LIN9: variants seen among roughly 807,000 people sequenced by gnomAD.
LIN9 encodes lin-9 DREAM MuvB core complex component, also known as protein lin-9 homolog.
LIN9 carries 18 observed loss-of-function variants against 78.0 expected under a neutral mutation model. That is an observed-to-expected ratio of 0.23 (90% CI 0.16 to 0.34). The LOEUF is 0.34. LIN9 is among the 10% of genes least tolerant of loss of function. LIN9 has a pLI of 1.00. For synonymous variants in LIN9, 192 were observed against 215.2 expected (o/e 0.89, Z 0.94); for missense variants, 451 against 644.1 (o/e 0.70, Z 3.25).
rs1659849361 is a variant in LIN9 at position 226,265,568 on chromosome 1, A to G, written c.1003T>C (p.Leu335=). 1 of 1,610,830 alleles carries G rather than the reference A, an allele frequency of 6.2e-7. No individual in the cohort carries two copies. Among genetic ancestry groups the G allele is most frequent in the African/African-American group, 1.3e-5 (1 of 74,838 alleles). The change falls in exon 10 of 15, where the codon TTA becomes CTA. Residue 335 remains leucine (L), a synonymous_variant. Coordinates refer to ENST00000681046, the MANE Select transcript of LIN9 (RefSeq NM_001366245.2). This position sits in a 1 kb window ranked among gnomAD's most constrained non-coding sequence, Gnocchi z 4.1. ...SKISGSDTET[L]GGFPVEFLIQ... ...AGAAATTCTACTGGAAAACCACCTA[A>G]TGTTTCAGTGTCAGAGCCAGAAATT...
At chr1:226,254,020 C>A (rs1338917160) in intron 10 of LIN9, among the ~76,000 whole-genome samples, 4 of 152,242 alleles carry the variant, frequency 2.6e-5, no homozygotes, top group African/African-American at 4.8e-5. Context: ...CAGCCTCAAC[C>A]TCCTGGGCTC....
intron 4 of LIN9, among the ~76,000 whole-genome samples, chr1:226,289,803 T>A (rs1159268104): frequency 4.2e-5 from 5 of 118,338 alleles, no homozygotes; most frequent in Non-Finnish European, 6.5e-5. Flanking sequence ...GATTACCCAA[T>A]AAATGTTACT....
intron 1 of LIN9, among the ~76,000 whole-genome samples, chr1:226,302,041 C>T (rs1314791163): frequency 6.6e-6 from 1 of 152,084 alleles, no homozygotes. Flanking sequence ...TGCACTTCAG[C>T]CTGACAGACA....
chr1:226,289,120 A>C (rs1412463535), intron 4 of LIN9, among the ~76,000 whole-genome samples: 1 of 152,100 alleles, frequency 6.6e-6, no homozygotes. Flanking sequence ...CTGTAGTGCC[A>C]GCTACTCAGG....
At chr1:226,278,003 C>CT in intron 6 of LIN9, 71 bp from the exon 7 acceptor site, 1 of 1,292,788 alleles carries the variant, frequency 7.7e-7, no homozygotes, top group East Asian at 2.4e-5. Context: ...TTTTTTTTTT[C>CT]TTTTTTTGAG....
chr1:226,305,315 GAAAAAAAAAAAAAAAAA>G (rs111859953), intron 1 of LIN9, among the ~76,000 whole-genome samples: 1 of 77,536 alleles, frequency 1.3e-5, no homozygotes, highest in East Asian at 3.9e-4. Context: ...ACAAAAAAAA[GAAAAAAAAAAAAAAAAA>G]AAAAAAAAAC....
At position 226,295,187 on chromosome 1, in the gene LIN9, C is replaced by T. The variant is rs766038479; in HGVS notation, c.264+655G>A. Among the ~76,000 whole-genome samples the T allele has an allele frequency of 3.6e-4, 55 of 152,062 alleles. No individual in the cohort carries two copies. The Middle Eastern group carries it at 0.014, about 38-fold the overall frequency. On this transcript the variant is annotated intron_variant, in intron 4 of 14. Transcript: ENST00000681046. ...CCTCTCAGCAGGGTGCAGTGGCTCA[C>T]GACTGTAATCCCAGCACTTTGGGAG...
intron 11 of LIN9, among the ~76,000 whole-genome samples, chr1:226,239,635 A>G (rs1327507441): frequency 6.6e-6 from 1 of 152,174 alleles, no homozygotes; most frequent in Non-Finnish European, 1.5e-5. Context: ...TCAACTGCAA[A>G]ATGGGGATTA....
chr1:226,309,064 A>G, intron 1 of LIN9, 45 bp downstream of exon 1: 4 of 1,305,916 alleles, frequency 3.1e-6, no homozygotes, highest in Non-Finnish European at 3.9e-6. Context: ...CCGCTGGGCA[A>G]GCAGCAGGCG....
chr1:226,291,892 T>C (rs1323382306), intron 4 of LIN9, among the ~76,000 whole-genome samples: 1 of 152,044 alleles, frequency 6.6e-6, no homozygotes, highest in Non-Finnish European at 1.5e-5. Context: ...TTTCTTTGTT[T>C]TCCCTCAGTG....
rs776094025 is a variant in LIN9 at position 226,268,011 on chromosome 1, T to G, written c.762A>C (p.Val254=). Residue 254 remains valine, a synonymous_variant, in exon 8 of 15, where the codon GTA becomes GTC. Transcript: ENST00000681046. ...TTCCAAGCCCTGTCCTATCAAAAGT[T>G]ACTCTATAAGTAGCATTAAGAGTAT... The part of the protein sequence containing the change: ...AVDTLNATYR[V]TFDRTGLGTH... The G allele has an allele frequency of 1.2e-6, 2 of 1,614,056 alleles. No homozygotes were observed.
At chr1:226,287,225 G>A (rs934421701) in intron 5 of LIN9, among the ~76,000 whole-genome samples, 4 of 152,162 alleles carry the variant, frequency 2.6e-5, no homozygotes, top group Non-Finnish European at 5.9e-5. Flanking sequence ...TTAAGCATAT[G>A]TGTATACCTA....
rs531663226 is a variant in LIN9 at position 226,290,325 on chromosome 1, G to A, written c.265-2528C>T. ...AAAATGCCAACTAAAACAAGTGAGAGGCTATTTCTTTTTTTTTTTTTTTTC... is the reference window on the plus strand; with the variant it reads ...AAAATGCCAACTAAAACAAGTGAGAAGCTATTTCTTTTTTTTTTTTTTTTC... On this transcript the variant is annotated intron_variant, in intron 4 of 14. Transcript: ENST00000681046. Among the ~76,000 whole-genome samples the A allele has an allele frequency of 3.3e-5, 5 of 150,302 alleles. No individual in the cohort carries two copies. In the South Asian group the frequency reaches 1.1e-3, roughly 32 times the overall value.
chr1:226,295,139 T>C (rs1353926963), intron 4 of LIN9, among the ~76,000 whole-genome samples: 1 of 151,972 alleles, frequency 6.6e-6, no homozygotes, highest in Non-Finnish European at 1.5e-5. Flanking sequence ...AATAAGGAGA[T>C]ACGATTTCAT....
intron 10 of LIN9, among the ~76,000 whole-genome samples, chr1:226,263,593 T>C (rs1659731925): frequency 6.6e-6 from 1 of 152,196 alleles, no homozygotes; most frequent in Admixed American, 6.5e-5. Flanking sequence ...ACAACACCTG[T>C]TCAAATATAA....
At position 226,267,977 on chromosome 1, in the gene LIN9, T is replaced by C. The variant is rs199567702; in HGVS notation, c.796A>G (p.Ile266Val). The C allele has an allele frequency of 1.1e-5, 17 of 1,613,600 alleles. No homozygotes were observed. Among genetic ancestry groups the C allele is most frequent in the South Asian group, 2.2e-5 (2 of 90,994 alleles). Residue 266 changes from isoleucine to valine, a missense_variant, in exon 8 of 15, where the codon ATC becomes GTC. Physicochemically the swap from Ile to Val is conservative, Grantham distance 29. Transcript: ENST00000681046. ...FDRTGLGTHTIPDYEVLSNEP... is the reference protein window; with the variant it reads ...FDRTGLGTHTVPDYEVLSNEP... ...CTTACGAGAACTTCATAGTCAGGGA[T>C]GGTATGGGTTCCAAGCCCTGTCCTA...
intron 4 of LIN9, among the ~76,000 whole-genome samples, chr1:226,294,810 T>G (rs1401064975): frequency 6.6e-6 from 1 of 151,994 alleles, no homozygotes; most frequent in East Asian, 1.9e-4. Context: ...TCTACTTTTT[T>G]TTTTTTTGAG....
At chr1:226,296,310 T>C (rs1158828347) in intron 3 of LIN9, among the ~76,000 whole-genome samples, 2 of 152,196 alleles carry the variant, frequency 1.3e-5, no homozygotes, top group African/African-American at 2.4e-5. Context: ...GTGTGTGACA[T>C]GATATGTCTG....
At chr1:226,257,900 AAGGCC>A (rs1198781767) in intron 10 of LIN9, among the ~76,000 whole-genome samples, 4 of 152,130 alleles carry the variant, frequency 2.6e-5, no homozygotes, top group Non-Finnish European at 5.9e-5. Flanking sequence ...TAAATGGATG[AAGGCC>A]AGGTGTGGTG....
Sources: gnomAD v4.1 joint callset for allele counts (sites outside exome capture counted in the v4.1 genomes callset) on GRCh38, gnomAD v4.1.1 for gene constraint, Gnocchi (gnomAD v3.1) non-coding constraint, MANE v1.5 for transcripts, NCBI Gene and HGNC (gene_info 2026-07-23, HGNC 2026-07-21) for gene names.